SFXN1: variants seen among roughly 807,000 people sequenced by gnomAD.
SFXN1 encodes sideroflexin-1.
In SFXN1, 32 loss-of-function variants were observed where a neutral mutation model predicts 39.5. The ratio of observed to expected loss-of-function variants is 0.81; its 90% CI spans 0.61 to 1.09. SFXN1 has a LOEUF of 1.09. Among genes scored for constraint, SFXN1 ranks in the 50% least tolerant of loss-of-function variants. The pLI is 0.00. For missense variants in SFXN1, 402 were observed against 407.1 expected (o/e 0.99, Z 0.11); for synonymous variants, 136 against 146.5 (o/e 0.93, Z 0.52).
intron 7 of SFXN1, among the ~76,000 whole-genome samples, chr5:175,514,886 A>G (rs1473539414): frequency 6.6e-6 from 1 of 152,238 alleles, no homozygotes; most frequent in Non-Finnish European, 1.5e-5. Flanking sequence ...GAGTCCAGGG[A>G]CCAGCACGTT....
intron 10 of SFXN1, among the ~76,000 whole-genome samples, chr5:175,524,365 A>G (rs1760995352): frequency 6.6e-6 from 1 of 151,272 alleles, no homozygotes; most frequent in African/African-American, 2.4e-5. Flanking sequence ...TGTTCTTTTT[A>G]TTCAGTGTCA....
intron 8 of SFXN1, among the ~76,000 whole-genome samples, chr5:175,521,498 C>T (rs1214726222): frequency 4.6e-5 from 7 of 152,268 alleles, no homozygotes; most frequent in South Asian, 2.1e-4. Context: ...CACAAGGAAA[C>T]GGAAGCTTGG....
chr5:175,486,446 A>G (rs1404964332), intron 1 of SFXN1, among the ~76,000 whole-genome samples: 3 of 152,204 alleles, frequency 2.0e-5, no homozygotes, highest in Non-Finnish European at 4.4e-5. Context: ...CTTATACATG[A>G]TAATACTTAT....
At chr5:175,521,199 A>G (rs1303681244) in intron 8 of SFXN1, among the ~76,000 whole-genome samples, 1 of 152,036 alleles carries the variant, frequency 6.6e-6, no homozygotes, top group African/African-American at 2.4e-5. Context: ...TTTTAAAACT[A>G]AAAATCTAAC....
chr5:175,518,866 A>G (rs1402429426), intron 8 of SFXN1, among the ~76,000 whole-genome samples: 1 of 152,260 alleles, frequency 6.6e-6, no homozygotes, highest in Non-Finnish European at 1.5e-5. Context: ...CACAAAAAGC[A>G]CAGTCCATAA....
intron 6 of SFXN1, 90 bp downstream of exon 6, chr5:175,512,286 GT>G: frequency 1.8e-6 from 2 of 1,107,454 alleles, no homozygotes; most frequent in Non-Finnish European, 2.7e-6. Context: ...TCAAATGCTT[GT>G]TTTAATATGT....
At chr5:175,501,803 T>G (rs2662153) in intron 2 of SFXN1, among the ~76,000 whole-genome samples, 8,337 of 152,248 alleles carry the variant, frequency 0.055, 751 homozygotes, top group African/African-American at 0.19. Flanking sequence ...CTTCACCTAC[T>G]AGACTTTGTA....
At chr5:175,526,177 C>T (rs533261952) in intron 10 of SFXN1, among the ~76,000 whole-genome samples, 6 of 139,922 alleles carry the variant, frequency 4.3e-5, no homozygotes, top group South Asian at 2.2e-4. Flanking sequence ...TTTTAATAAG[C>T]GTGTATTACA....
chr5:175,522,380 TGTTTGCTAC>T lies in SFXN1; in HGVS notation c.831_839del (p.Phe278_Thr280del). On this transcript the variant is annotated inframe_deletion, in exon 10 of 11. Transcript: ENST00000321442. ...TTTTTTGTATTTTTTTTAAGTTTGG[TGTTTGCTAC>T]ACCCCTGTGTTGTGCCCTGTTTCCT... 6.3e-7 allele frequency: 1 copy of T among 1,584,190 alleles called. No individual in the cohort carries two copies. The highest frequency in any genetic ancestry group is 1.2e-5 in the South Asian group (1 of 85,210).
chr5:175,484,958 G>T (rs1180572670), intron 1 of SFXN1, among the ~76,000 whole-genome samples: 1 of 152,240 alleles, frequency 6.6e-6, no homozygotes, highest in Non-Finnish European at 1.5e-5. Context: ...TACCTGGAGT[G>T]CAGGCTGCTC....
At chr5:175,488,064 A>G (rs1382128484) in intron 1 of SFXN1, among the ~76,000 whole-genome samples, 1 of 152,132 alleles carries the variant, frequency 6.6e-6, no homozygotes, top group Non-Finnish European at 1.5e-5. Context: ...TCCACACAGC[A>G]GCCAGAGAGA....
intron 10 of SFXN1, chr5:175,524,121 AAAAAATATATATATATATAT>A (rs1274741479): frequency 1.0e-3 from 37 of 35,298 alleles, no homozygotes; most frequent in East Asian, 3.8e-3. Context: ...AAAAAAAAAA[AAAAAATATATATATATATAT>A]ATATATATAT....
chr5:175,478,855 G>A (rs1759123815), intron 1 of SFXN1, among the ~76,000 whole-genome samples: 1 of 152,128 alleles, frequency 6.6e-6, no homozygotes, highest in Non-Finnish European at 1.5e-5. Flanking sequence ...CCTGCGGCCG[G>A]ACAACACCAC....
At chr5:175,504,812 T>C (rs1760225468) in intron 2 of SFXN1, among the ~76,000 whole-genome samples, 1 of 152,030 alleles carries the variant, frequency 6.6e-6, no homozygotes, top group African/African-American at 2.4e-5. Context: ...CACTGCAAGC[T>C]CTGCCTCCCG....
At chr5:175,510,643 G>A (rs577954043) in intron 4 of SFXN1, among the ~76,000 whole-genome samples, 30 of 152,232 alleles carry the variant, frequency 2.0e-4, no homozygotes, top group African/African-American at 6.5e-4. Flanking sequence ...AGACCATGGC[G>A]GTGTGAACTT....
At chr5:175,492,385 G>GA in intron 2 of SFXN1, 118 bp downstream of exon 2, 1 of 817,262 alleles carries the variant, frequency 1.2e-6, no homozygotes, top group Non-Finnish European at 1.7e-6. Flanking sequence ...GAATTCTTTT[G>GA]ACCAAAAAAA....
At chr5:175,520,802 C>T (rs1328346238) in intron 8 of SFXN1, among the ~76,000 whole-genome samples, 1 of 152,162 alleles carries the variant, frequency 6.6e-6, no homozygotes, top group Non-Finnish European at 1.5e-5. Flanking sequence ...TTTAGCATCT[C>T]CTTATGACAA....
intron 10 of SFXN1, among the ~76,000 whole-genome samples, chr5:175,524,725 G>A (rs185281465): frequency 1.4e-3 from 212 of 151,946 alleles, no homozygotes; most frequent in African/African-American, 4.9e-3. Flanking sequence ...GATCAACAAA[G>A]TGAAATCTTG....
intron 2 of SFXN1, among the ~76,000 whole-genome samples, chr5:175,505,571 A>AATT (rs1561665349): frequency 7.4e-6 from 1 of 135,724 alleles, no homozygotes; most frequent in Non-Finnish European, 1.6e-5. Flanking sequence ...TAATAATAAT[A>AATT]ATTCTAAGGT....
Sources: allele counts gnomAD v4.1 joint callset (sites outside exome capture counted in the v4.1 genomes callset), GRCh38; gene constraint gnomAD v4.1.1; transcripts MANE v1.5; gene names NCBI Gene and HGNC (gene_info 2026-07-23, HGNC 2026-07-21).